The following NUP98 variants were observed in gnomAD, a reference collection of about 807,000 sequenced individuals.
NUP98 encodes nucleoporin 98 and 96 precursor.
In NUP98, 26 loss-of-function variants were observed where a neutral mutation model predicts 191.9. That is an observed-to-expected ratio of 0.14 (90% confidence interval 0.10 to 0.19). NUP98 has a LOEUF of 0.19. NUP98 is among the 10% of genes least tolerant of loss of function. The pLI, the probability that NUP98 is intolerant of heterozygous loss-of-function variation, is 1.00. For synonymous variants in NUP98, 808 were observed against 778.4 expected (o/e 1.04, Z -0.63); for missense variants, 1,941 against 2,178.8 (o/e 0.89, Z 2.17).
chr11:3,760,733 A>T (rs1013960441), intron 9 of NUP98, 107 bp from the exon 10 acceptor site: 1 of 727,804 alleles, frequency 1.4e-6, no homozygotes, highest in Non-Finnish European at 2.2e-6. Flanking sequence ...TGGGAGAAAG[A>T]TGTCCTAACA....
At chr11:3,721,467 G>A (rs1391182130) in intron 16 of NUP98, among the ~76,000 whole-genome samples, 2 of 152,168 alleles carry the variant, frequency 1.3e-5, no homozygotes, top group African/African-American at 4.8e-5. Flanking sequence ...GGAGGCCGGG[G>A]TGAGTAAATC....
At chr11:3,756,317 G>A (rs962854440) in intron 10 of NUP98, among the ~76,000 whole-genome samples, 14 of 152,020 alleles carry the variant, frequency 9.2e-5, no homozygotes, top group Non-Finnish European at 1.8e-4. Flanking sequence ...CAAGTTTATC[G>A]ACTTGTAAAA....
At chr11:3,682,323 G>T (rs901755983) in intron 30 of NUP98, among the ~76,000 whole-genome samples, 2 of 152,152 alleles carry the variant, frequency 1.3e-5, no homozygotes, top group Non-Finnish European at 2.9e-5. Flanking sequence ...TTGGCTGTTT[G>T]GCAAAGAGGC....
chr11:3,708,426 A>G (rs2134147527), intron 20 of NUP98, among the ~76,000 whole-genome samples: 1 of 152,294 alleles, frequency 6.6e-6, no homozygotes, highest in South Asian at 2.1e-4. Context: ...TAACCAGATT[A>G]GAGACCTAAG....
intron 5 of NUP98, among the ~76,000 whole-genome samples, chr11:3,774,429 A>G (rs2081638555): frequency 6.6e-6 from 1 of 151,188 alleles, no homozygotes; most frequent in African/African-American, 2.4e-5. Context: ...AGCAACAACA[A>G]AAAAACAGAA....
intron 14 of NUP98, among the ~76,000 whole-genome samples, chr11:3,726,785 T>C (rs1445995924): frequency 6.6e-6 from 1 of 151,790 alleles, no homozygotes; most frequent in Non-Finnish European, 1.5e-5. Context: ...AACTTTTCTT[T>C]CTTTTTTTTT....
chr11:3,793,207 T>C (rs962368084), intron 1 of NUP98, among the ~76,000 whole-genome samples: 3 of 152,218 alleles, frequency 2.0e-5, no homozygotes, highest in Non-Finnish European at 2.9e-5. Context: ...TTTCCAACTA[T>C]GTATCTGTAT....
At chr11:3,737,708 C>T (rs1335064498) in intron 12 of NUP98, among the ~76,000 whole-genome samples, 4 of 151,954 alleles carry the variant, frequency 2.6e-5, no homozygotes, top group African/African-American at 9.7e-5. Context: ...TTCTTAAAAT[C>T]GATGTATTCA....
chr11:3,766,151 G>A (rs571074529), intron 8 of NUP98, among the ~76,000 whole-genome samples: 5 of 152,284 alleles, frequency 3.3e-5, no homozygotes, highest in African/African-American at 9.6e-5. Flanking sequence ...AAGGAGAGCA[G>A]ATTGTTCGAG....
At position 3,716,122 on chromosome 11, in the gene NUP98, T is replaced by C. The variant is rs1263755589; in HGVS notation, c.2400-2127A>G. Among the ~76,000 whole-genome samples the C allele has an allele frequency of 2.0e-5, 3 of 152,330 alleles. No individual in the cohort carries two copies. The East Asian group carries it at 5.8e-4, about 29-fold the overall frequency. On this transcript the variant is annotated intron_variant, in intron 18 of 32. Coordinates refer to ENST00000324932, the MANE Select transcript of NUP98 (RefSeq NM_016320.5). Reference sequence around the variant, plus strand: ...TTTTTGCTTTTGGTGCTTATACTTTTTGATGTTATATCTGAGAAATCATTG... The same window carrying C: ...TTTTTGCTTTTGGTGCTTATACTTTCTGATGTTATATCTGAGAAATCATTG...
At position 3,705,316 on chromosome 11, in the gene NUP98, T is replaced by C; in HGVS notation, c.2966A>G (p.Asp989Gly). The C allele has an allele frequency of 6.2e-7, 1 of 1,614,184 alleles. No individual in the cohort carries two copies. The highest frequency in any genetic ancestry group is 8.5e-7 in the Non-Finnish European group (1 of 1,180,022). The change falls in exon 22 of 33, where the codon GAT becomes GGT. Residue 989 changes from aspartate to glycine, a missense_variant. By Grantham distance (94) the Asp-to-Gly change is moderately conservative. Coordinates refer to ENST00000324932, the MANE Select transcript of NUP98 (RefSeq NM_016320.5). ...ACTGAAGCGTTGATCCAGTGCCATA[T>C]CTACATCTTCTTCATCAGTAAGCAA... ...ASLLTDEEDV[D>G]MALDQRFSRL...
chr11:3,694,406 G>A (rs1336731491), intron 26 of NUP98, among the ~76,000 whole-genome samples: 5 of 150,376 alleles, frequency 3.3e-5, no homozygotes, highest in Non-Finnish European at 1.5e-5. Context: ...AACGCTTCAT[G>A]ACATGAAAAA....
intron 20 of NUP98, among the ~76,000 whole-genome samples, chr11:3,708,831 C>T (rs574816354): frequency 6.6e-6 from 1 of 152,164 alleles, no homozygotes; most frequent in South Asian, 2.1e-4. Flanking sequence ...AAGCAGCCAA[C>T]GAGGACACCA....
chr11:3,713,427 A>C (rs555972232), intron 19 of NUP98, among the ~76,000 whole-genome samples: 1 of 152,182 alleles, frequency 6.6e-6, no homozygotes, highest in African/African-American at 2.4e-5. Flanking sequence ...CTAAAAATAA[A>C]GAGAATTTGG....
chr11:3,793,836 G>A (rs1369489489), intron 1 of NUP98, among the ~76,000 whole-genome samples: 1 of 151,934 alleles, frequency 6.6e-6, no homozygotes, highest in Non-Finnish European at 1.5e-5. Context: ...TGGGTGTGGT[G>A]GCACGCACCT....
At chr11:3,684,809 TAG>T (rs1289118891) in intron 29 of NUP98, among the ~76,000 whole-genome samples, 1 of 138,684 alleles carries the variant, frequency 7.2e-6, no homozygotes. Flanking sequence ...GGCTTAGGCT[TAG>T]AGAGTTAAGA....
chr11:3,748,947 T>C (rs1273940352), intron 11 of NUP98, among the ~76,000 whole-genome samples: 1 of 138,726 alleles, frequency 7.2e-6, no homozygotes, highest in Non-Finnish European at 1.6e-5. Flanking sequence ...GAATTTTCAT[T>C]AAAAAAAAAA....
intron 1 of NUP98, among the ~76,000 whole-genome samples, chr11:3,796,626 C>T (rs560655943): frequency 6.6e-6 from 1 of 152,246 alleles, no homozygotes; most frequent in South Asian, 2.1e-4. Context: ...CACCGACCTC[C>T]TAAAGGGAAT....
chr11:3,794,679 C>T (rs942928618), intron 1 of NUP98, among the ~76,000 whole-genome samples: 15 of 152,166 alleles, frequency 9.9e-5, no homozygotes, highest in African/African-American at 3.6e-4. Flanking sequence ...AGCAGTGGTG[C>T]AATCACAGCA....
Sources: allele counts gnomAD v4.1 joint callset (sites outside exome capture counted in the v4.1 genomes callset), GRCh38; gene constraint gnomAD v4.1.1; transcripts MANE v1.5; gene names NCBI Gene and HGNC (gene_info 2026-07-23, HGNC 2026-07-21).